Variants in KCND3 observed in about 807,000 individuals in gnomAD.
The protein encoded by KCND3 is A-type voltage-gated potassium channel KCND3.
KCND3 carries 9 observed loss-of-function variants against 51.1 expected under a neutral mutation model. The observed-to-expected ratio is 0.18, with a 90% CI of 0.11 to 0.31. The LOEUF is 0.31. Ranked by LOEUF, KCND3 falls within the 10% of genes least tolerant of loss-of-function variation. The probability of loss-of-function intolerance (pLI) is 1.00; values close to 1 mark genes in which losing one functional copy is unlikely to be tolerated. For missense variants in KCND3, 526 were observed against 903.8 expected, an observed-to-expected ratio of 0.58 and a Z score of 5.36; for synonymous variants, 349 against 368.0, an observed-to-expected ratio of 0.95 and a Z score of 0.59.
chr1:111,824,103 A>G (rs952259841), intron 2 of KCND3, among the ~76,000 whole-genome samples: 1 of 143,980 alleles, frequency 6.9e-6, no homozygotes, highest in Non-Finnish European at 1.5e-5. Context: ...GCATGATCCC[A>G]TGCCTTCTCC....
intron 2 of KCND3, among the ~76,000 whole-genome samples, chr1:111,843,437 A>G (rs1350728424): frequency 1.3e-5 from 2 of 152,218 alleles, no homozygotes; most frequent in Admixed American, 1.3e-4. Context: ...CTGTTTCTAG[A>G]AAGTGGGGCA....
intron 2 of KCND3, among the ~76,000 whole-genome samples, chr1:111,795,242 T>C (rs1194886448): frequency 1.3e-5 from 2 of 152,106 alleles, no homozygotes; most frequent in Non-Finnish European, 1.5e-5. Context: ...GCACTCTCCT[T>C]GGCTCACCTG....
intron 2 of KCND3, among the ~76,000 whole-genome samples, chr1:111,800,532 T>G (rs1037572999): frequency 1.7e-4 from 23 of 132,198 alleles, no homozygotes; most frequent in Non-Finnish European, 2.7e-4. Flanking sequence ...ACCCAAGAAT[T>G]ATCAATAAAA....
intron 2 of KCND3, among the ~76,000 whole-genome samples, chr1:111,825,505 T>G (rs1247451531): frequency 1.3e-5 from 2 of 152,202 alleles, no homozygotes; most frequent in Non-Finnish European, 2.9e-5. Context: ...TGGATTTGTC[T>G]TCCATGGTGT....
intron 2 of KCND3, among the ~76,000 whole-genome samples, chr1:111,820,972 C>T (rs1202226704): frequency 6.6e-6 from 1 of 152,188 alleles, no homozygotes; most frequent in African/African-American, 2.4e-5. Context: ...ACCAACCCTG[C>T]CTACACCTTA....
intron 2 of KCND3, among the ~76,000 whole-genome samples, chr1:111,929,168 C>A (rs548538976): frequency 3.3e-5 from 5 of 152,352 alleles, no homozygotes; most frequent in South Asian, 2.1e-4. Context: ...AACCAGCCCA[C>A]GCCCAGACCT....
chr1:111,983,461 C>G (rs1675086403), intron 1 of KCND3, among the ~76,000 whole-genome samples: 1 of 152,104 alleles, frequency 6.6e-6, no homozygotes, highest in Non-Finnish European at 1.5e-5. Context: ...TACTCCTTGC[C>G]CTAGCAACCT....
intron 2 of KCND3, chr1:111,910,226 A>C (rs1253107416): frequency 6.6e-6 from 1 of 152,238 alleles, no homozygotes; most frequent in Non-Finnish European, 1.5e-5. Context: ...TGCCATCCAC[A>C]GAAGAGCTCC....
intron 2 of KCND3, among the ~76,000 whole-genome samples, chr1:111,790,307 T>G (rs1466295666): frequency 1.3e-5 from 2 of 152,250 alleles, no homozygotes; most frequent in Non-Finnish European, 1.5e-5. Flanking sequence ...AATGAGATAA[T>G]TCAAAAGAAA....
intron 2 of KCND3, among the ~76,000 whole-genome samples, chr1:111,826,893 A>G (rs1666604145): frequency 2.0e-5 from 3 of 152,360 alleles, no homozygotes; most frequent in Non-Finnish European, 2.9e-5. Flanking sequence ...CTACAGGTTG[A>G]GTATCCCTTA....
rs756619707 is a variant in KCND3 at position 111,962,207 on chromosome 1, G to C, written c.1106+19414C>G. Among the ~76,000 whole-genome samples the C allele has an allele frequency of 6.0e-4, 91 of 152,330 alleles. 1 individual carries two copies. Among genetic ancestry groups the C allele is most frequent in the Admixed American group, 1.8e-3 (27 of 15,302 alleles). On this transcript the variant is annotated intron_variant, in intron 2 of 7. Transcript: ENST00000302127. ...AAAAGAAAGTGAGGTTCACAGGTGGGTTTCTGTTTGATCACATTGTAAGAA... is the reference window on the plus strand; with the variant it reads ...AAAAGAAAGTGAGGTTCACAGGTGGCTTTCTGTTTGATCACATTGTAAGAA...
chr1:111,778,394 A>G, intron 6 of KCND3, 42 bp downstream of exon 6: 3 of 1,564,174 alleles, frequency 1.9e-6, no homozygotes, highest in Non-Finnish European at 2.6e-6. Context: ...ACTCAGAATT[A>G]TCAGAGAGAA....
chr1:111,933,457 T>C (rs1211294488), intron 2 of KCND3, among the ~76,000 whole-genome samples: 1 of 152,184 alleles, frequency 6.6e-6, no homozygotes, highest in East Asian at 1.9e-4. Context: ...AACTTACCCC[T>C]ACCATTCCAC....
rs976664434 is a variant in KCND3 at position 111,778,458 on chromosome 1, G to T, written c.1496C>A (p.Ser499Tyr). The T allele has an allele frequency of 6.2e-7, 1 of 1,613,858 alleles. No individual in the cohort carries two copies. Among genetic ancestry groups the T allele is most frequent in the Non-Finnish European group, 8.5e-7 (1 of 1,179,862 alleles). The change falls in exon 6 of 8, where the codon TCT (serine) becomes TAT (tyrosine). Residue 499 changes from serine to tyrosine, a missense_variant. Coordinates refer to ENST00000302127, the MANE Select transcript of KCND3 (RefSeq NM_001378969.1). ...TACCTTGATGGTGGAGGTTCGTACA[G>T]ATAACAGGGGATCATCCACAAGATA... Reference protein sequence around the residue: ...LSYLVDDPLLSVRTSTIKNHE... With the variant: ...LSYLVDDPLLYVRTSTIKNHE...
chr1:111,900,124 A>G (rs1374596080), intron 2 of KCND3, among the ~76,000 whole-genome samples: 4 of 152,054 alleles, frequency 2.6e-5, no homozygotes, highest in Non-Finnish European at 2.9e-5. Flanking sequence ...ATACAGACAT[A>G]TGGATATGCA....
rs1673564433 is a variant in KCND3, at chr1:111,960,119, T to C, written c.1106+21502A>G. ...AGGCCTCCCCAGCCATTCAGAACTGTGAGTCAATTAAACCTCTTTTCTTGT... is the reference window on the plus strand; with the variant it reads ...AGGCCTCCCCAGCCATTCAGAACTGCGAGTCAATTAAACCTCTTTTCTTGT... On this transcript the variant is annotated intron_variant, in intron 2 of 7. Transcript: ENST00000302127. 1.3e-5 allele frequency among the ~76,000 whole-genome samples: 2 copies of C among 152,134 alleles called. 1 individual carries two copies. Among genetic ancestry groups the C allele is most frequent in the South Asian group, 4.1e-4 (2 of 4,822 alleles).
chr1:111,922,771 G>A (rs968931780), intron 2 of KCND3, among the ~76,000 whole-genome samples: 1 of 152,204 alleles, frequency 6.6e-6, no homozygotes, highest in Non-Finnish European at 1.5e-5. Context: ...TAGCAGCTGT[G>A]TGATTTCAGG....
intron 2 of KCND3, among the ~76,000 whole-genome samples, chr1:111,807,747 G>A (rs1665645402): frequency 6.6e-6 from 1 of 152,200 alleles, no homozygotes; most frequent in Non-Finnish European, 1.5e-5. Context: ...CACATAGTCT[G>A]GAGTGTAGTA....
chr1:111,804,937 G>A (rs139623782), intron 2 of KCND3, among the ~76,000 whole-genome samples: 72 of 152,286 alleles, frequency 4.7e-4, no homozygotes, highest in African/African-American at 1.7e-3. Flanking sequence ...CAGCACAGGA[G>A]GCGCCACCGC....
Sources: allele counts gnomAD v4.1 joint callset (sites outside exome capture counted in the v4.1 genomes callset), GRCh38; gene constraint gnomAD v4.1.1; transcripts MANE v1.5; gene names NCBI Gene and HGNC (gene_info 2026-07-23, HGNC 2026-07-21).